The following NME9 variants were observed in gnomAD, a reference collection of about 807,000 sequenced individuals.
NME9 encodes the protein thioredoxin domain-containing protein 6.
In NME9, 48 loss-of-function variants were observed where a neutral mutation model predicts 44.4. The ratio of observed to expected loss-of-function variants is 1.08; its 90% CI spans 0.86 to 1.37. NME9 has a LOEUF of 1.37. Ranked by LOEUF, NME9 falls within the 40% of genes most tolerant of loss-of-function variation. The pLI is 0.00. For synonymous variants in NME9, 139 were observed against 147.1 expected, an observed-to-expected ratio of 0.94 and a Z score of 0.40; for missense variants, 325 against 405.2, an observed-to-expected ratio of 0.80 and a Z score of 1.70.
downstream of NME9, chr3:138,298,448 G>A (rs953872796): frequency 2.0e-5 from 3 of 152,136 alleles, no homozygotes; most frequent in Admixed American, 6.5e-5. Context: ...ATGTGTACAC[G>A]CTTTTGGAAC....
At chr3:138,268,081 A>G (rs2048442698) in intron 8 of NME9, among the ~76,000 whole-genome samples, 1 of 152,210 alleles carries the variant, frequency 6.6e-6, no homozygotes, top group South Asian at 2.1e-4. Flanking sequence ...CATCTCTGCT[A>G]AAAGTACAAA....
intron 8 of NME9, among the ~76,000 whole-genome samples, chr3:138,279,286 CAATT>C (rs1358147805): frequency 6.6e-6 from 1 of 151,860 alleles, no homozygotes; most frequent in African/African-American, 2.4e-5. Context: ...TTTTTTCAAT[CAATT>C]ACTTTCTTTT....
intron 8 of NME9, among the ~76,000 whole-genome samples, chr3:138,283,526 CAG>C (rs1465316328): frequency 6.6e-6 from 1 of 152,186 alleles, no homozygotes; most frequent in Admixed American, 6.5e-5. Flanking sequence ...GCTTCAAAGT[CAG>C]GGAGTGTGTT....
intron 8 of NME9, among the ~76,000 whole-genome samples, chr3:138,282,784 A>G (rs954714372): frequency 2.0e-5 from 3 of 151,834 alleles, no homozygotes; most frequent in South Asian, 2.1e-4. Flanking sequence ...TTGACTGTCA[A>G]CTCTTCCCCA....
Position 138,318,121 on chromosome 3 carries a change from T to C in NME9, c.267+27A>G, listed in dbSNP as rs377443255. ...ACTCTAATGATTTGCAATCGTCAAA[T>C]AGTTCTGATTCTGAAAATGTACTTA... On this transcript the variant is annotated intron_variant, in intron 4 of 10. Coordinates refer to ENST00000333911, the MANE Select transcript of NME9 (RefSeq NM_001349018.2). 2.9e-6 allele frequency: 4 copies of C among 1,393,122 alleles called. No homozygotes were observed. In the South Asian group the frequency reaches 3.5e-5, roughly 12 times the overall value. 86.3% of individuals were successfully genotyped at this position (1,393,122 alleles called of 1,614,324 possible).
intron 8 of NME9, among the ~76,000 whole-genome samples, chr3:138,283,867 C>T (rs1267066591): frequency 6.6e-6 from 1 of 152,152 alleles, no homozygotes; most frequent in Non-Finnish European, 1.5e-5. Context: ...TTTCTCTTCC[C>T]CTAACAGGGT....
intron 8 of NME9, chr3:138,289,159 G>T: frequency 6.6e-7 from 1 of 1,524,150 alleles, no homozygotes. Flanking sequence ...AAAAATTATG[G>T]GAAGAGTGTC....
intron 8 of NME9, chr3:138,290,491 C>T: frequency 1.5e-6 from 2 of 1,298,866 alleles, no homozygotes; most frequent in Non-Finnish European, 2.2e-6. Context: ...AATTGTACAT[C>T]AAAGAGAGCA....
chr3:138,290,739 C>A, intron 8 of NME9: 1 of 752,272 alleles, frequency 1.3e-6, no homozygotes, highest in Non-Finnish European at 2.2e-6. Context: ...TTTTTAAAAT[C>A]TTTTAGATTC....
chr3:138,283,855 C>G (rs1008860575), intron 8 of NME9, among the ~76,000 whole-genome samples: 3 of 152,184 alleles, frequency 2.0e-5, no homozygotes, highest in East Asian at 3.8e-4. Flanking sequence ...CATTTTACTT[C>G]TTTTCTCTTC....
Position 138,301,200 on chromosome 3 carries a change from C to A in NME9, c.*440G>T. ...AAGTATATACTATTCTCTTTCTTTA[C>A]TTTTTTTTTTATTATTATTATTAAG... is the stretch of plus-strand genomic sequence containing the variant. On this transcript the variant is annotated 3_prime_UTR_variant, in exon 11 of 11. Transcript: ENST00000333911. The A allele has an allele frequency of 1.4e-6, 1 of 728,462 alleles. No homozygotes were observed. 45.1% of individuals were successfully genotyped at this position (728,462 alleles called of 1,614,324 possible).
intron 8 of NME9, among the ~76,000 whole-genome samples, chr3:138,275,373 C>T (rs1456735220): frequency 4.6e-5 from 7 of 151,972 alleles, no homozygotes; most frequent in African/African-American, 9.7e-5. Context: ...CTGGCTAACA[C>T]GGTGAAACCC....
intron 8 of NME9, among the ~76,000 whole-genome samples, chr3:138,291,034 G>C (rs1247990061): frequency 6.6e-6 from 1 of 152,194 alleles, no homozygotes; most frequent in Non-Finnish European, 1.5e-5. Flanking sequence ...AGCTCCTGGG[G>C]ATACAAAAGC....
intron 9 of NME9, 97 bp from the exon 10 acceptor site, chr3:138,303,740 C>A: frequency 4.9e-6 from 5 of 1,013,488 alleles, no homozygotes; most frequent in Non-Finnish European, 7.3e-6. Context: ...CAATCAGCAC[C>A]CTGCATTCCT....
intron 8 of NME9, among the ~76,000 whole-genome samples, chr3:138,305,721 A>G (rs73227573): frequency 0.026 from 3,888 of 152,312 alleles, 73 homozygotes; most frequent in Non-Finnish European, 0.037. Context: ...TTTTGTCTCC[A>G]AGCCCTTCTC....
At chr3:138,269,581 G>A (rs1471508474) in intron 8 of NME9, among the ~76,000 whole-genome samples, 1 of 152,162 alleles carries the variant, frequency 6.6e-6, no homozygotes, top group East Asian at 1.9e-4. Flanking sequence ...GGTTTTCTAA[G>A]TTCCTTTATA....
At chr3:138,264,412 C>CTTTTTTTTTTTTTTTTT (rs11298899) in intron 8 of NME9, among the ~76,000 whole-genome samples, 3 of 48,632 alleles carry the variant, frequency 6.2e-5, no homozygotes, top group Admixed American at 3.2e-4. Flanking sequence ...GATTTTCTTT[C>CTTTTTTTTTTTTTTTTT]TTTTTTTTTT....
Position 138,301,279 on chromosome 3 carries a change from A to G in NME9, c.*361T>C. 1 of 384,292 alleles carries G rather than the reference A, an allele frequency of 2.6e-6. No homozygotes were observed. The highest frequency in any genetic ancestry group is 3.7e-6 in the Non-Finnish European group (1 of 268,888). The allele number at this position is 384,292 out of a possible 1,614,324, so 23.8% of individuals were successfully genotyped here. On this transcript the variant is annotated 3_prime_UTR_variant, in exon 11 of 11. Transcript: ENST00000333911. ...GAGTGCAGTGGCATGATCTCGGCTT[A>G]CTGCAACCTTCACCTCCCGGGTTCA...
intron 8 of NME9, among the ~76,000 whole-genome samples, chr3:138,295,032 G>A (rs1230104986): frequency 6.6e-6 from 1 of 151,914 alleles, no homozygotes; most frequent in Non-Finnish European, 1.5e-5. Flanking sequence ...CGAAGTGGTT[G>A]GGATTACAGG....
Sources: gnomAD v4.1 joint callset for allele counts (sites outside exome capture counted in the v4.1 genomes callset) on GRCh38, gnomAD v4.1.1 for gene constraint, MANE v1.5 for transcripts, NCBI Gene and HGNC (gene_info 2026-07-23, HGNC 2026-07-21) for gene names.